Variants in GATAD2B observed in about 807,000 individuals in gnomAD.
The protein encoded by GATAD2B is transcriptional repressor p66-beta.
A neutral mutation model predicts 64.3 loss-of-function variants in GATAD2B; 8 were observed. The observed-to-expected ratio is 0.12, with a 90% confidence interval of 0.07 to 0.22. The LOEUF (loss-of-function observed/expected upper bound fraction) is 0.22, where lower values mean the gene tolerates loss of function less well. Ranked by LOEUF, GATAD2B falls within the 10% of genes least tolerant of loss-of-function variation. The pLI is 1.00. For missense variants in GATAD2B, 453 were observed against 752.0 expected, an observed-to-expected ratio of 0.60 and a Z score of 4.65; for synonymous variants, 281 against 271.3, an observed-to-expected ratio of 1.04 and a Z score of -0.35.
chr1:153,861,850 G>A (rs563965607), intron 1 of GATAD2B, among the ~76,000 whole-genome samples: 51 of 140,680 alleles, frequency 3.6e-4, no homozygotes, highest in African/African-American at 1.2e-3. Context: ...ATGTATGTAC[G>A]TATATGTATA....
intron 1 of GATAD2B, among the ~76,000 whole-genome samples, chr1:153,879,714 C>T (rs188121349): frequency 7.6e-6 from 1 of 132,034 alleles, no homozygotes; most frequent in Non-Finnish European, 1.5e-5. Context: ...AGCGAGCCAA[C>T]AATGCGCCAC....
chr1:153,806,873 C>T lies in GATAD2B; in HGVS notation c.*3304G>A, dbSNP rs1346670584. ...AGTAAAATATCAAGAAGCATCTTTA[C>T]AAAGCAGTTCTATAGCTAATTCCTT... On this transcript the variant is annotated 3_prime_UTR_variant, in exon 11 of 11. Transcript: ENST00000368655. The T allele has an allele frequency of 6.6e-6, 1 of 152,020 alleles. No individual in the cohort carries two copies. The highest frequency in any genetic ancestry group is 2.4e-5 in the African/African-American group (1 of 41,256). 9.4% of individuals were successfully genotyped at this position (152,020 alleles called of 1,614,324 possible). A position where few individuals can be genotyped will look rare whatever the true frequency, so the allele number is the denominator to read the frequency against.
chr1:153,841,379 A>G (rs1675488876), intron 1 of GATAD2B, among the ~76,000 whole-genome samples: 1 of 151,928 alleles, frequency 6.6e-6, no homozygotes, highest in Non-Finnish European at 1.5e-5. Context: ...GTTAAGAAAC[A>G]GCACCGTTCC....
At chr1:153,862,502 T>C (rs1676341335) in intron 1 of GATAD2B, among the ~76,000 whole-genome samples, 1 of 152,130 alleles carries the variant, frequency 6.6e-6, no homozygotes, top group African/African-American at 2.4e-5. Flanking sequence ...CTCAATTTTA[T>C]AGACGAAAAA....
At chr1:153,871,106 G>A (rs1311987103) in intron 1 of GATAD2B, among the ~76,000 whole-genome samples, 4 of 151,738 alleles carry the variant, frequency 2.6e-5, no homozygotes, top group Non-Finnish European at 5.9e-5. Context: ...TCGCTCTGTT[G>A]CCCAGGCTGG....
intron 1 of GATAD2B, among the ~76,000 whole-genome samples, chr1:153,884,540 T>C (rs999448650): frequency 1.3e-5 from 2 of 152,134 alleles, no homozygotes; most frequent in East Asian, 3.9e-4. Flanking sequence ...AGGATGACGC[T>C]GCAGTGAGCC....
chr1:153,812,532 G>A (rs1362857052), intron 8 of GATAD2B, among the ~76,000 whole-genome samples: 2 of 152,144 alleles, frequency 1.3e-5, no homozygotes, highest in Non-Finnish European at 2.9e-5. Flanking sequence ...TTGGCTGGAG[G>A]TGATGAACCA....
Position 153,813,265 on chromosome 1 carries a change from G to T in GATAD2B, c.1404C>A (p.Ala468=). 1 of 1,613,948 alleles carries T rather than the reference G, an allele frequency of 6.2e-7. No homozygotes were observed. The highest frequency in any genetic ancestry group is 8.5e-7 in the Non-Finnish European group (1 of 1,179,950). The change falls in exon 8 of 11, where the codon GCC becomes GCA. Residue 468 remains alanine, a synonymous_variant. Transcript: ENST00000368655. The part of the protein sequence containing the change: ...TNRLKNAFVK[A]LQQEQEIEQR... ...GAATTCTTACCTGTTCCTGCTGTAGGGCTTTCACAAATGCATTTTTCAGCC... is the reference window on the plus strand; with the variant it reads ...GAATTCTTACCTGTTCCTGCTGTAGTGCTTTCACAAATGCATTTTTCAGCC...
chr1:153,861,809 T>TATATATATATATATATATATACACACAC (rs1294838675), intron 1 of GATAD2B, among the ~76,000 whole-genome samples: 4 of 122,148 alleles, frequency 3.3e-5, no homozygotes, highest in African/African-American at 1.2e-4. Context: ...TATATATATA[T>TATATATATATATATATATATACACACAC]ACACATATGT....
chr1:153,814,013 T>C (rs1216304540), intron 7 of GATAD2B, among the ~76,000 whole-genome samples: 1 of 152,198 alleles, frequency 6.6e-6, no homozygotes, highest in Non-Finnish European at 1.5e-5. Flanking sequence ...AGCTTCTAAC[T>C]GATAAAGCTG....
At chr1:153,908,781 GGAAAAA>G (rs1236166404) in intron 1 of GATAD2B, among the ~76,000 whole-genome samples, 1 of 29,180 alleles carries the variant, frequency 3.4e-5, no homozygotes, top group Non-Finnish European at 1.3e-4. Flanking sequence ...AAACATACTT[GGAAAAA>G]AAAAAAAAAA....
intron 1 of GATAD2B, among the ~76,000 whole-genome samples, chr1:153,858,778 T>C (rs1338467895): frequency 1.3e-5 from 2 of 152,050 alleles, no homozygotes; most frequent in Non-Finnish European, 2.9e-5. Context: ...TGTGGGTATA[T>C]ATGTATGTTA....
At chr1:153,908,799 A>G (rs9427244) in intron 1 of GATAD2B, among the ~76,000 whole-genome samples, 4,107 of 149,436 alleles carry the variant, frequency 0.027, 96 homozygotes, top group Middle Eastern at 0.067. Flanking sequence ...AAAAAAAAAA[A>G]AAAGAAAGAA....
chr1:153,867,463 T>C (rs952840332), intron 1 of GATAD2B, among the ~76,000 whole-genome samples: 3 of 151,826 alleles, frequency 2.0e-5, no homozygotes, highest in Admixed American at 1.3e-4. Flanking sequence ...GAGCTATGAT[T>C]GCACCATTGT....
intron 2 of GATAD2B, among the ~76,000 whole-genome samples, chr1:153,820,902 C>T (rs1182940178): frequency 6.6e-6 from 1 of 151,248 alleles, no homozygotes; most frequent in East Asian, 1.9e-4. Context: ...TCAACTTAAA[C>T]CCTTAATGAT....
chr1:153,849,625 A>G (rs1373329822), intron 1 of GATAD2B, among the ~76,000 whole-genome samples: 2 of 151,970 alleles, frequency 1.3e-5, no homozygotes, highest in African/African-American at 4.8e-5. Flanking sequence ...ATATATTTTA[A>G]ATTTGACCTT....
intron 1 of GATAD2B, among the ~76,000 whole-genome samples, chr1:153,868,028 G>A (rs910565360): frequency 8.6e-5 from 13 of 151,802 alleles, no homozygotes; most frequent in South Asian, 8.3e-4. Context: ...GTGAAACCCC[G>A]TCTTTACTTA....
intron 1 of GATAD2B, among the ~76,000 whole-genome samples, chr1:153,833,009 G>C (rs1675131716): frequency 6.6e-6 from 1 of 152,132 alleles, no homozygotes; most frequent in Non-Finnish European, 1.5e-5. Flanking sequence ...TGAAGTCAGT[G>C]ATCATTTACC....
intron 1 of GATAD2B, chr1:153,852,561 A>C: frequency 1.3e-6 from 1 of 770,874 alleles, no homozygotes; most frequent in Admixed American, 1.7e-5. Context: ...CACCCATGAG[A>C]GCTAGAGCTT....
Sources: allele counts gnomAD v4.1 joint callset (sites outside exome capture counted in the v4.1 genomes callset), GRCh38; gene constraint gnomAD v4.1.1; transcripts MANE v1.5; gene names NCBI Gene and HGNC (gene_info 2026-07-23, HGNC 2026-07-21).